Variants in BMPER observed in about 807,000 individuals in gnomAD.
BMPER encodes BMP binding endothelial regulator.
A neutral mutation model predicts 87.3 loss-of-function variants in BMPER; 45 were observed. The ratio of observed to expected loss-of-function variants is 0.52; its 90% confidence interval spans 0.41 to 0.66. The LOEUF (loss-of-function observed/expected upper bound fraction) is 0.66, where lower values mean the gene tolerates loss of function less well. BMPER is among the 30% of genes least tolerant of loss of function. The pLI is 0.00. For missense variants in BMPER, 784 were observed against 867.5 expected, an observed-to-expected ratio of 0.90 and a Z score of 1.21; for synonymous variants, 326 against 316.2, an observed-to-expected ratio of 1.03 and a Z score of -0.33.
intron 6 of BMPER, among the ~76,000 whole-genome samples, chr7:34,020,289 T>A (rs1486954037): frequency 1.3e-5 from 2 of 151,934 alleles, no homozygotes; most frequent in African/African-American, 2.4e-5. Context: ...GGCAAATGTG[T>A]TCAGTGTTTC....
chr7:34,122,266 C>T (rs560972772), intron 13 of BMPER, among the ~76,000 whole-genome samples: 5 of 152,324 alleles, frequency 3.3e-5, no homozygotes, highest in East Asian at 3.9e-4. Context: ...CAACAATTTG[C>T]ATTTTCACCT....
chr7:34,042,365 G>C (rs926701422), intron 6 of BMPER, among the ~76,000 whole-genome samples: 8 of 152,160 alleles, frequency 5.3e-5, no homozygotes, highest in African/African-American at 1.9e-4. Flanking sequence ...TTCTTTTCTT[G>C]CTGACCAGAT....
At chr7:33,925,567 G>A (rs1784339037) in intron 2 of BMPER, among the ~76,000 whole-genome samples, 1 of 152,174 alleles carries the variant, frequency 6.6e-6, no homozygotes, top group East Asian at 1.9e-4. Flanking sequence ...TAGAATGTAA[G>A]TTAAAATCCA....
At chr7:33,969,175 T>C (rs1785474753) in intron 4 of BMPER, among the ~76,000 whole-genome samples, 1 of 152,140 alleles carries the variant, frequency 6.6e-6, no homozygotes, top group Non-Finnish European at 1.5e-5. Context: ...AATGACCTAG[T>C]TGTTAATTTG....
intron 2 of BMPER, among the ~76,000 whole-genome samples, chr7:33,908,081 A>G (rs1783867330): frequency 6.6e-6 from 1 of 152,216 alleles, no homozygotes; most frequent in African/African-American, 2.4e-5. Context: ...AGGGTGTATT[A>G]TGATTGCATA....
chr7:34,071,058 A>G (rs902875599), intron 11 of BMPER, among the ~76,000 whole-genome samples: 2 of 152,130 alleles, frequency 1.3e-5, no homozygotes, highest in African/African-American at 2.4e-5. Flanking sequence ...CCTCTTATCT[A>G]TGTCCATGAC....
At chr7:34,133,205 A>G (rs1790637943) in intron 13 of BMPER, among the ~76,000 whole-genome samples, 1 of 152,046 alleles carries the variant, frequency 6.6e-6, no homozygotes, top group Non-Finnish European at 1.5e-5. Flanking sequence ...CAACCATGTA[A>G]TTAGAGGGTT....
intron 4 of BMPER, among the ~76,000 whole-genome samples, chr7:33,967,425 A>T (rs1283416681): frequency 1.3e-5 from 2 of 152,230 alleles, no homozygotes; most frequent in African/African-American, 4.8e-5. Context: ...AGTGACATTT[A>T]GTTTACTGAA....
In BMPER at chr7:33,906,881, C is replaced by T. The variant is rs763059996; in HGVS notation, c.197C>T (p.Pro66Leu). The T allele has an allele frequency of 6.2e-7, 1 of 1,613,574 alleles. No homozygotes were observed. The highest frequency in any genetic ancestry group is 8.5e-7 in the Non-Finnish European group (1 of 1,179,652). ...CAGATTCCATTTATCACAGACAACCCTTGCATAATGTGTGTCTGCTTGGTA... is the reference window on the plus strand; with the variant it reads ...CAGATTCCATTTATCACAGACAACCTTTGCATAATGTGTGTCTGCTTGGTA... ...VLQIPFITDN[P>L]CIMCVCLNKE... The change falls in exon 2 of 15, where the codon CCT (proline) becomes CTT (leucine). Residue 66 changes from proline to leucine, a missense_variant. Coordinates refer to ENST00000649409, the MANE Select transcript of BMPER (RefSeq NM_001365308.1).
At position 33,937,398 on chromosome 7, in the gene BMPER, G is replaced by A; in HGVS notation, c.319+10G>A. The A allele has an allele frequency of 6.2e-7, 1 of 1,610,706 alleles. No homozygotes were observed. The highest frequency in any genetic ancestry group is 1.1e-5 in the South Asian group (1 of 91,032). ...TGTGAACAGTGCAAAGGTGATTGAT[G>A]TCTTGGCCGTCTTCTCTTCTGGCTG... On this transcript the variant is annotated intron_variant, in intron 3 of 14. Transcript: ENST00000649409.
At chr7:34,127,315 T>C (rs1317573098) in intron 13 of BMPER, among the ~76,000 whole-genome samples, 4 of 152,200 alleles carry the variant, frequency 2.6e-5, no homozygotes, top group African/African-American at 9.6e-5. Context: ...CTCTCTCCAA[T>C]GTAGACACAG....
Position 34,103,925 on chromosome 7 carries a change from T to A in BMPER, c.1745+17833T>A, listed in dbSNP as rs28638028. Among the ~76,000 whole-genome samples, 567 of 152,308 alleles carry A rather than the reference T, an allele frequency of 3.7e-3. 2 individuals carry two copies. The highest frequency in any genetic ancestry group is 0.013 in the African/African-American group (543 of 41,568). On this transcript the variant is annotated intron_variant, in intron 13 of 14. Coordinates refer to ENST00000649409, the MANE Select transcript of BMPER (RefSeq NM_001365308.1). ...CATGTTCAGAAGCACTTAGTGACTC[T>A]CTTTATTGGATCAAGTTCACACTAC...
chr7:33,943,672 G>GT (rs1190454044), intron 3 of BMPER, among the ~76,000 whole-genome samples: 1 of 152,198 alleles, frequency 6.6e-6, no homozygotes, highest in African/African-American at 2.4e-5. Flanking sequence ...TTCCCTGAGA[G>GT]TTTTTAAGCC....
chr7:34,075,793 G>C (rs1207403320), intron 11 of BMPER, among the ~76,000 whole-genome samples: 1 of 152,144 alleles, frequency 6.6e-6, no homozygotes, highest in Non-Finnish European at 1.5e-5. Context: ...GTGTTCTCGA[G>C]CCTTTTCCTT....
rs1791287462 is a variant in BMPER at position 34,155,573 on chromosome 7, A to G, written c.*2300A>G. The G allele has an allele frequency of 6.6e-6, 1 of 152,144 alleles. No homozygotes were observed. The highest frequency in any genetic ancestry group is 1.5e-5 in the Non-Finnish European group (1 of 68,010). 9.4% of individuals were successfully genotyped at this position (152,144 alleles called of 1,614,324 possible). On this transcript the variant is annotated 3_prime_UTR_variant, in exon 15 of 15. Coordinates refer to ENST00000649409, the MANE Select transcript of BMPER (RefSeq NM_001365308.1). The stretch of plus-strand genomic sequence containing the variant: ...TCTCTGTACATTTTTCTCATTTCTA[A>G]TTGAAGAAGAAAGGGAGGGCAGAGA...
At chr7:34,089,582 C>T (rs577130689) in intron 13 of BMPER, among the ~76,000 whole-genome samples, 30 of 152,186 alleles carry the variant, frequency 2.0e-4, no homozygotes, top group Admixed American at 7.2e-4. Flanking sequence ...CCCACAGGTT[C>T]GAATGATGCT....
At chr7:34,032,774 C>T (rs191240637) in intron 6 of BMPER, among the ~76,000 whole-genome samples, 1 of 152,226 alleles carries the variant, frequency 6.6e-6, no homozygotes, top group Admixed American at 6.5e-5. Context: ...TAATGTTGAA[C>T]ACTTTGCTCT....
chr7:34,075,013 T>C (rs1410148451), intron 11 of BMPER, among the ~76,000 whole-genome samples: 1 of 152,062 alleles, frequency 6.6e-6, no homozygotes, highest in Admixed American at 6.6e-5. Flanking sequence ...TTCTCTTATT[T>C]TTTTTTTAGA....
intron 11 of BMPER, among the ~76,000 whole-genome samples, chr7:34,068,654 AC>A (rs565975898): frequency 9.9e-5 from 15 of 152,226 alleles, no homozygotes; most frequent in African/African-American, 3.4e-4. Flanking sequence ...AATTCAAGTT[AC>A]TGGGGTCAAG....
Sources: allele counts gnomAD v4.1 joint callset (sites outside exome capture counted in the v4.1 genomes callset), GRCh38; gene constraint gnomAD v4.1.1; transcripts MANE v1.5; gene names NCBI Gene and HGNC (gene_info 2026-07-23, HGNC 2026-07-21).